Variants in ANKS4B observed in about 807,000 individuals in gnomAD.
The protein encoded by ANKS4B is ankyrin repeat and SAM domain-containing protein 4B.
ANKS4B carries 21 observed loss-of-function variants against 20.2 expected under a neutral mutation model. That is an observed-to-expected ratio of 1.04 (90% CI 0.74 to 1.50). The LOEUF (loss-of-function observed/expected upper bound fraction) is 1.50. Ranked by LOEUF, ANKS4B falls within the 40% of genes most tolerant of loss-of-function variation. The pLI, the probability that ANKS4B is intolerant of heterozygous loss-of-function variation, is 0.00. For missense variants in ANKS4B, 473 were observed against 494.6 expected, an observed-to-expected ratio of 0.96 and a Z score of 0.41; for synonymous variants, 179 against 194.5, an observed-to-expected ratio of 0.92 and a Z score of 0.66.
intron 1 of ANKS4B, among the ~76,000 whole-genome samples, chr16:21,243,255 A>T (rs2093328462): frequency 6.6e-6 from 1 of 152,172 alleles, no homozygotes; most frequent in Non-Finnish European, 1.5e-5. Context: ...CCAAAAATCA[A>T]GGGAAAAATG....
intron 1 of ANKS4B, among the ~76,000 whole-genome samples, chr16:21,249,213 G>A (rs1314140809): frequency 1.3e-5 from 2 of 152,224 alleles, no homozygotes; most frequent in Admixed American, 6.5e-5. Flanking sequence ...GCCAGGCACG[G>A]TGGCTTACAC....
At chr16:21,242,435 C>T (rs1429286423) in intron 1 of ANKS4B, among the ~76,000 whole-genome samples, 1 of 152,192 alleles carries the variant, frequency 6.6e-6, no homozygotes, top group Admixed American at 6.5e-5. Flanking sequence ...ATCTGCCCAC[C>T]TCAGCCTCCC....
At chr16:21,248,176 A>T (rs908293276) in intron 1 of ANKS4B, among the ~76,000 whole-genome samples, 6 of 152,006 alleles carry the variant, frequency 3.9e-5, no homozygotes, top group African/African-American at 1.4e-4. Flanking sequence ...ATTCTTTCTT[A>T]CTTTTTATTT....
intron 1 of ANKS4B, among the ~76,000 whole-genome samples, chr16:21,238,465 A>G (rs949047639): frequency 9.6e-6 from 1 of 104,390 alleles, no homozygotes; most frequent in Non-Finnish European, 1.8e-5. Context: ...ATTTTTAAAT[A>G]TAAATGTAAA....
intron 1 of ANKS4B, among the ~76,000 whole-genome samples, chr16:21,240,409 C>T (rs1388578569): frequency 6.6e-6 from 1 of 151,764 alleles, no homozygotes; most frequent in African/African-American, 2.4e-5. Context: ...CTGCCTCAGC[C>T]TCTGGAATAG....
chr16:21,240,951 C>T (rs1267645106), intron 1 of ANKS4B, among the ~76,000 whole-genome samples: 1 of 152,004 alleles, frequency 6.6e-6, no homozygotes, highest in Admixed American at 6.6e-5. Flanking sequence ...CCACCATGCC[C>T]AGCTAATTTT....
chr16:21,248,290 TG>T (rs963117807), intron 1 of ANKS4B, among the ~76,000 whole-genome samples: 5 of 150,284 alleles, frequency 3.3e-5, no homozygotes, highest in African/African-American at 4.9e-5. Context: ...CTCCCAGTGC[TG>T]GGATTACAGG....
At chr16:21,233,998 CCT>C (rs1428611704) in intron 1 of ANKS4B, 97 bp downstream of exon 1, 1 of 1,182,774 alleles carries the variant, frequency 8.5e-7, no homozygotes, top group African/African-American at 1.5e-5. Context: ...AATACTTTAT[CCT>C]CTTTCTAGAT....
At position 21,250,810 on chromosome 16, in the gene ANKS4B, C is replaced by G; in HGVS notation, c.1244C>G (p.Thr415Ser). ...CAACAGCCTGGGCAGCTGGTCGACA[C>G]CAGCCTGTGATGGAGAGTTTTGGCC... is the stretch of plus-strand genomic sequence containing the variant. ...VLQQPGQLVD[T>S]SL Residue 415 changes from threonine to serine, a missense_variant, in exon 2 of 2, where the codon ACC becomes AGC. Thr to Ser is a moderately conservative substitution (Grantham distance 58). Coordinates refer to ENST00000311620, the MANE Select transcript of ANKS4B (RefSeq NM_145865.3). 3 of 1,590,348 alleles carry G rather than the reference C, an allele frequency of 1.9e-6. No individual in the cohort carries two copies. The highest frequency in any genetic ancestry group is 1.7e-6 in the Non-Finnish European group (2 of 1,163,034).
At chr16:21,247,763 T>C (rs1229270954) in intron 1 of ANKS4B, among the ~76,000 whole-genome samples, 2 of 152,226 alleles carry the variant, frequency 1.3e-5, no homozygotes, top group Non-Finnish European at 2.9e-5. Flanking sequence ...TTGGGCAGGA[T>C]TCCAGTAGGT....
intron 1 of ANKS4B, among the ~76,000 whole-genome samples, chr16:21,236,843 A>C (rs1288574315): frequency 6.6e-6 from 1 of 152,204 alleles, no homozygotes; most frequent in African/African-American, 2.4e-5. Context: ...AGTTCTCTCT[A>C]TATATACTAT....
intron 1 of ANKS4B, 124 bp from the exon 2 acceptor site, chr16:21,249,607 A>C: frequency 8.9e-7 from 1 of 1,129,588 alleles, no homozygotes; most frequent in Non-Finnish European, 1.2e-6. Flanking sequence ...TAACAATGTC[A>C]AGTCAGGATG....
intron 1 of ANKS4B, among the ~76,000 whole-genome samples, chr16:21,249,112 C>T (rs530487818): frequency 1.7e-4 from 26 of 152,306 alleles, no homozygotes; most frequent in African/African-American, 4.6e-4. Flanking sequence ...ATCTCTTAGG[C>T]GTGTAACCTA....
At position 21,250,488 on chromosome 16, in the gene ANKS4B, G is replaced by C; in HGVS notation, c.922G>C (p.Ala308Pro). ...CAGTGAATTGCTTCAAAGACAAGGAGCATCAGAGGCTGATGAGGGTGCAGC... is the reference window on the plus strand; with the variant it reads ...CAGTGAATTGCTTCAAAGACAAGGACCATCAGAGGCTGATGAGGGTGCAGC... ...LPSELLQRQG[A>P]SEADEGAADE... The change falls in exon 2 of 2, where the codon GCA becomes CCA. Residue 308 changes from alanine to proline, a missense_variant. Transcript: ENST00000311620. 1 of 1,614,162 alleles carries C rather than the reference G, an allele frequency of 6.2e-7. No individual in the cohort carries two copies. The highest frequency in any genetic ancestry group is 8.5e-7 in the Non-Finnish European group (1 of 1,180,012).
At chr16:21,242,048 C>A (rs1382536525) in intron 1 of ANKS4B, among the ~76,000 whole-genome samples, 2 of 152,096 alleles carry the variant, frequency 1.3e-5, no homozygotes, top group Non-Finnish European at 2.9e-5. Flanking sequence ...AAATAAATAA[C>A]TAATTTTTAA....
At chr16:21,243,420 T>C (rs2093328631) in intron 1 of ANKS4B, among the ~76,000 whole-genome samples, 1 of 152,220 alleles carries the variant, frequency 6.6e-6, no homozygotes, top group African/African-American at 2.4e-5. Context: ...CCCAGGCAGT[T>C]GTATGCAATG....
intron 1 of ANKS4B, among the ~76,000 whole-genome samples, chr16:21,240,960 T>C (rs924224029): frequency 6.6e-6 from 1 of 152,002 alleles, no homozygotes; most frequent in African/African-American, 2.4e-5. Flanking sequence ...CCAGCTAATT[T>C]TGGTATTTTT....
At chr16:21,244,402 C>T (rs1220421868) in intron 1 of ANKS4B, among the ~76,000 whole-genome samples, 2 of 152,132 alleles carry the variant, frequency 1.3e-5, no homozygotes, top group African/African-American at 4.8e-5. Context: ...GTATGTTCTG[C>T]ACATGTATCC....
chr16:21,238,689 T>C (rs1031309362), intron 1 of ANKS4B, among the ~76,000 whole-genome samples: 11 of 152,218 alleles, frequency 7.2e-5, no homozygotes, highest in South Asian at 6.2e-4. Context: ...TTAGTTGTTA[T>C]AGTCTATCTC....
Sources: gnomAD v4.1 joint callset for allele counts (sites outside exome capture counted in the v4.1 genomes callset) on GRCh38, gnomAD v4.1.1 for gene constraint, MANE v1.5 for transcripts, NCBI Gene and HGNC (gene_info 2026-07-23, HGNC 2026-07-21) for gene names.